Variants in ACTR3C observed in about 807,000 individuals in gnomAD.
ACTR3C encodes actin related protein 3C, also known as actin-related protein 3C.
ACTR3C carries 18 observed loss-of-function variants against 26.3 expected under a neutral mutation model. The observed-to-expected ratio is 0.68, with a 90% CI of 0.47 to 1.01. The LOEUF is 1.01. ACTR3C is among the 50% of genes least tolerant of loss of function. ACTR3C has a pLI of 0.00. For synonymous variants in ACTR3C, 55 were observed against 94.5 expected, an observed-to-expected ratio of 0.58 and a Z score of 2.42; for missense variants, 184 against 250.7, an observed-to-expected ratio of 0.73 and a Z score of 1.80.
downstream of ACTR3C, chr7:150,246,006 T>A (rs1832445312): frequency 1.3e-5 from 2 of 152,202 alleles, no homozygotes; most frequent in Admixed American, 6.5e-5. Flanking sequence ...GTAAAACAGT[T>A]ATGCAGAGAA....
At chr7:150,127,139 G>GAGACAC in the ACTR3C span, among the ~76,000 whole-genome samples, 7 of 129,598 alleles carry the variant, frequency 5.4e-5, no homozygotes, top group Admixed American at 2.4e-4. Context: ...CCTACCATTA[G>GAGACAC]ACACACACAC....
the ACTR3C span, among the ~76,000 whole-genome samples, chr7:150,115,975 C>T: frequency 1.3e-5 from 2 of 152,294 alleles, no homozygotes; most frequent in South Asian, 4.1e-4. Flanking sequence ...AACTTCCTTG[C>T]CACAGATCAC....
chr7:150,135,767 GAGAA>G, the ACTR3C span, among the ~76,000 whole-genome samples: 26 of 142,710 alleles, frequency 1.8e-4, no homozygotes, highest in Middle Eastern at 7.2e-3. Flanking sequence ...TGAACTCTGA[GAGAA>G]AGAAAGAAAG....
the ACTR3C span, among the ~76,000 whole-genome samples, chr7:150,111,519 CT>C: frequency 2.3e-5 from 2 of 87,478 alleles, no homozygotes; most frequent in Non-Finnish European, 4.5e-5. Flanking sequence ...CACTCACACA[CT>C]TGCACAGTCA....
At chr7:149,973,214 C>A in the ACTR3C span, among the ~76,000 whole-genome samples, 2 of 152,176 alleles carry the variant, frequency 1.3e-5, no homozygotes, top group Admixed American at 1.3e-4. Flanking sequence ...AGCACAGAGG[C>A]CCCACCCGGG....
chr7:150,024,690 G>A, the ACTR3C span, among the ~76,000 whole-genome samples: 4 of 135,268 alleles, frequency 3.0e-5, no homozygotes, highest in South Asian at 2.8e-4. Context: ...CCACACTTGC[G>A]TGCAAGAGCC....
At chr7:150,319,498 C>G (rs774225232) in intron 1 of ACTR3C, among the ~76,000 whole-genome samples, 4 of 152,162 alleles carry the variant, frequency 2.6e-5, no homozygotes, top group Non-Finnish European at 4.4e-5. Context: ...TGAGCCACCT[C>G]GCCTGGCCCA....
the ACTR3C span, among the ~76,000 whole-genome samples, chr7:150,225,104 G>A: frequency 6.6e-6 from 1 of 151,460 alleles, no homozygotes; most frequent in Non-Finnish European, 1.5e-5. Context: ...AGGTGCCTCA[G>A]GCTCACCTTG....
intron 1 of ACTR3C, among the ~76,000 whole-genome samples, chr7:150,298,927 G>A (rs918453970): frequency 2.7e-5 from 4 of 149,822 alleles, no homozygotes; most frequent in African/African-American, 7.4e-5. Flanking sequence ...TCTCCATTCC[G>A]TATACATTCT....
the ACTR3C span, among the ~76,000 whole-genome samples, chr7:150,120,630 G>A: frequency 3.9e-5 from 6 of 151,994 alleles, no homozygotes; most frequent in Non-Finnish European, 8.8e-5. Flanking sequence ...AGGACCAGAC[G>A]GATTCACAGC....
the ACTR3C span, among the ~76,000 whole-genome samples, chr7:150,058,732 T>C: frequency 2.6e-5 from 4 of 152,096 alleles, no homozygotes; most frequent in Non-Finnish European, 5.9e-5. Context: ...CTGGCCAACA[T>C]GGTGAAACCT....
At chr7:149,947,908 C>G in the ACTR3C span, among the ~76,000 whole-genome samples, 1 of 151,594 alleles carries the variant, frequency 6.6e-6, no homozygotes, top group African/African-American at 2.4e-5. Flanking sequence ...TAGCTAAATC[C>G]CCATCTGCTA....
chr7:149,924,924 G>T, the ACTR3C span, among the ~76,000 whole-genome samples: 1 of 152,076 alleles, frequency 6.6e-6, no homozygotes, highest in Non-Finnish European at 1.5e-5. Flanking sequence ...CCACTGCGCC[G>T]GGCCCAGTGA....
At chr7:150,236,236 G>T in the ACTR3C span, among the ~76,000 whole-genome samples, 1 of 152,208 alleles carries the variant, frequency 6.6e-6, no homozygotes, top group African/African-American at 2.4e-5. Flanking sequence ...AGGACTGAGA[G>T]AAAAGTATCC....
At chr7:149,959,968 T>G in the ACTR3C span, among the ~76,000 whole-genome samples, 1 of 151,956 alleles carries the variant, frequency 6.6e-6, no homozygotes, top group East Asian at 1.9e-4. Context: ...ACTATAATTT[T>G]TAAAGACTGA....
chr7:149,921,698 G>A, the ACTR3C span, among the ~76,000 whole-genome samples: 1 of 151,996 alleles, frequency 6.6e-6, no homozygotes, highest in Admixed American at 6.6e-5. Context: ...CCAACATGGT[G>A]AAACCCCATC....
chr7:150,134,365 A>G, the ACTR3C span, among the ~76,000 whole-genome samples: 17 of 152,316 alleles, frequency 1.1e-4, no homozygotes, highest in South Asian at 2.1e-3. Context: ...CAGAGGGAAG[A>G]CGAGGGGAAT....
chr7:150,073,350 A>AC, the ACTR3C span, among the ~76,000 whole-genome samples: 2 of 68,150 alleles, frequency 2.9e-5, no homozygotes, highest in African/African-American at 1.1e-4. Flanking sequence ...AGTTAACATG[A>AC]CAAAAAAAAT....
At chr7:149,905,792 T>C in the ACTR3C span, among the ~76,000 whole-genome samples, 1 of 152,132 alleles carries the variant, frequency 6.6e-6, no homozygotes, top group Non-Finnish European at 1.5e-5. Flanking sequence ...CAATACCAAT[T>C]ATCAAGGATC....
Sources: gnomAD v4.1 joint callset for allele counts (sites outside exome capture counted in the v4.1 genomes callset) on GRCh38, gnomAD v4.1.1 for gene constraint, MANE v1.5 for transcripts, NCBI Gene and HGNC (gene_info 2026-07-23, HGNC 2026-07-21) for gene names.